The following DZIP3 variants were observed in gnomAD, a reference collection of about 807,000 sequenced individuals.
DZIP3 encodes the protein E3 ubiquitin-protein ligase DZIP3.
In DZIP3, 118 loss-of-function variants were observed where a neutral mutation model predicts 162.0. That is an observed-to-expected ratio of 0.73 (90% CI 0.63 to 0.85). The LOEUF is 0.85. Ranked by LOEUF, DZIP3 falls within the 40% of genes least tolerant of loss-of-function variation. DZIP3 has a pLI of 0.00. For missense variants in DZIP3, 1,331 were observed against 1,407.0 expected (o/e 0.95, Z 0.86); for synonymous variants, 438 against 458.6 (o/e 0.96, Z 0.57).
At chr3:108,652,459 A>G (rs192744755) in intron 18 of DZIP3, among the ~76,000 whole-genome samples, 1 of 152,024 alleles carries the variant, frequency 6.6e-6, no homozygotes, top group Admixed American at 6.6e-5. Flanking sequence ...ACTGCCTAAC[A>G]ACATTTTGAT....
chr3:108,647,221 T>C (rs1270221581), intron 15 of DZIP3, among the ~76,000 whole-genome samples: 2 of 152,230 alleles, frequency 1.3e-5, no homozygotes, highest in Non-Finnish European at 2.9e-5. Flanking sequence ...TTTCTCTGTT[T>C]GGTGTTTAGC....
intron 7 of DZIP3, among the ~76,000 whole-genome samples, chr3:108,626,484 A>G (rs1436671894): frequency 6.6e-6 from 1 of 152,226 alleles, no homozygotes; most frequent in African/African-American, 2.4e-5. Context: ...AAAAGGGTCC[A>G]AATGCTGAGT....
chr3:108,685,323 G>T (rs972952296), intron 27 of DZIP3, among the ~76,000 whole-genome samples: 7 of 151,884 alleles, frequency 4.6e-5, no homozygotes, highest in Non-Finnish European at 1.0e-4. Context: ...TGATTCCTGG[G>T]GTAAAGCTTG....
rs148274940 is a variant in DZIP3, at chr3:108,605,320, T to C, written c.-72-15T>C. ...TAACTTTCCTATCTTCATAAAAATA[T>C]TATTTTCCTTACAGCATTAAAGGGC... On this transcript the variant is annotated splice_polypyrimidine_tract_variant and intron_variant, in intron 1 of 32. Coordinates refer to ENST00000361582, the MANE Select transcript of DZIP3 (RefSeq NM_014648.4). The C allele has an allele frequency of 2.0e-6, 3 of 1,531,444 alleles. No homozygotes were observed. The highest frequency in any genetic ancestry group is 1.4e-5 in the African/African-American group (1 of 72,168). The allele number at this position is 1,531,444 out of a possible 1,614,324, so 94.9% of individuals were successfully genotyped here.
At chr3:108,622,266 T>C (rs1229269765) in intron 5 of DZIP3, among the ~76,000 whole-genome samples, 1 of 152,134 alleles carries the variant, frequency 6.6e-6, no homozygotes, top group East Asian at 1.9e-4. Flanking sequence ...AGTGGTGAAT[T>C]CTTTAGCATG....
intron 32 of DZIP3, chr3:108,691,408 TAAAAA>T (rs1277070338): frequency 8.0e-6 from 1 of 124,454 alleles, no homozygotes; most frequent in Non-Finnish European, 1.8e-5. Flanking sequence ...AAAAAGAAAG[TAAAAA>T]AAAAAAAAGA....
intron 3 of DZIP3, among the ~76,000 whole-genome samples, chr3:108,609,795 C>T (rs1940595611): frequency 6.6e-6 from 1 of 152,152 alleles, no homozygotes; most frequent in South Asian, 2.1e-4. Context: ...GAGCCGTGTT[C>T]ATGCCACTGC....
At chr3:108,672,740 T>G (rs1306471428) in intron 23 of DZIP3, 84 bp downstream of exon 23, 1 of 1,066,724 alleles carries the variant, frequency 9.4e-7, no homozygotes, top group Middle Eastern at 2.1e-4. Flanking sequence ...TTGTAAAAGA[T>G]TGTTTTTTGT....
chr3:108,633,194 C>A, intron 9 of DZIP3, 122 bp downstream of exon 9: 1 of 395,148 alleles, frequency 2.5e-6, no homozygotes, highest in Non-Finnish European at 3.7e-6. Context: ...AGTTTAATTA[C>A]AATGGTAAAG....
chr3:108,601,874 CT>C (rs1940038441), intron 1 of DZIP3, among the ~76,000 whole-genome samples: 1 of 152,162 alleles, frequency 6.6e-6, no homozygotes. Context: ...CTCTTTGCCC[CT>C]CCCTAGTTAT....
intron 24 of DZIP3, among the ~76,000 whole-genome samples, chr3:108,674,686 T>G (rs1390278318): frequency 2.6e-5 from 4 of 151,976 alleles, no homozygotes; most frequent in Non-Finnish European, 5.9e-5. Flanking sequence ...AATCGTATGT[T>G]AAAGGTAGTT....
intron 1 of DZIP3, among the ~76,000 whole-genome samples, chr3:108,593,651 A>G (rs1939546045): frequency 6.6e-6 from 1 of 150,626 alleles, no homozygotes; most frequent in Admixed American, 6.6e-5. Flanking sequence ...GATGGTAGAA[A>G]TTTAGCAAAT....
At chr3:108,636,277 C>T (rs1474444660) in intron 10 of DZIP3, among the ~76,000 whole-genome samples, 5 of 151,896 alleles carry the variant, frequency 3.3e-5, no homozygotes, top group Non-Finnish European at 7.4e-5. Flanking sequence ...TTCCTTTTCC[C>T]TAGAATCCTC....
chr3:108,641,602 T>C (rs1294481216), intron 12 of DZIP3, among the ~76,000 whole-genome samples: 1 of 152,208 alleles, frequency 6.6e-6, no homozygotes, highest in Non-Finnish European at 1.5e-5. Context: ...ATAACTTTAC[T>C]AGCTTTTGCC....
At chr3:108,624,613 A>G (rs1941510830) in intron 6 of DZIP3, 89 bp downstream of exon 6, 1 of 663,918 alleles carries the variant, frequency 1.5e-6, no homozygotes, top group East Asian at 3.2e-5. Context: ...AAAAATATTA[A>G]AAAAGGAAAC....
Position 108,675,867 on chromosome 3 carries a change from C to T in DZIP3, c.2775C>T (p.Phe925=), listed in dbSNP as rs1483046204. The change falls in exon 25 of 33, where the codon TTC becomes TTT. Residue 925 remains phenylalanine (F), a synonymous_variant. Transcript: ENST00000361582. The stretch of plus-strand genomic sequence containing the variant: ...CAGATGTTAGAAACAAGATTGCATT[C>T]CTCAGGGTAAGTCCTGAAGTATATT... ...IVADVRNKIA[F]LRTQYNEQIN... 21 of 1,608,824 alleles carry T rather than the reference C, an allele frequency of 1.3e-5. No individual in the cohort carries two copies. Among genetic ancestry groups the T allele is most frequent in the Non-Finnish European group, 1.8e-5 (21 of 1,177,366 alleles).
Position 108,662,182 on chromosome 3 carries a change from T to C in DZIP3, c.2348T>C (p.Met783Thr), listed in dbSNP as rs1372508972. Reference protein sequence around the residue: ...TVTFRWQENQMQIKKKDKIIA... With the variant: ...TVTFRWQENQTQIKKKDKIIA... ...ACTTTTCGGTGGCAAGAAAACCAAA[T>C]GCAGATTAAAAAGAAAGACAAAATT... Residue 783 changes from methionine to threonine, a missense_variant, in exon 21 of 33, where the codon ATG becomes ACG. This residue lies in a region of DZIP3 where 1,278 missense variants were observed against 1,317.1 expected (regional missense o/e 0.97). Coordinates refer to ENST00000361582, the MANE Select transcript of DZIP3 (RefSeq NM_014648.4). The C allele has an allele frequency of 4.3e-6, 7 of 1,609,338 alleles. No homozygotes were observed. Among genetic ancestry groups the C allele is most frequent in the Non-Finnish European group, 5.1e-6 (6 of 1,178,790 alleles).
chr3:108,599,115 A>G (rs1278904120), intron 1 of DZIP3, among the ~76,000 whole-genome samples: 1 of 152,238 alleles, frequency 6.6e-6, no homozygotes, highest in East Asian at 1.9e-4. Context: ...CAGATTTGTA[A>G]CAAGGGGTGA....
chr3:108,690,247 C>A (rs529735572), intron 31 of DZIP3, among the ~76,000 whole-genome samples: 40 of 152,090 alleles, frequency 2.6e-4, no homozygotes, highest in African/African-American at 9.7e-4. Flanking sequence ...TATTTATATA[C>A]GTAAAAATGA....
Sources: allele counts gnomAD v4.1 joint callset (sites outside exome capture counted in the v4.1 genomes callset), GRCh38; gene constraint gnomAD v4.1.1; regional missense constraint gnomAD v4.1.1; transcripts MANE v1.5; gene names NCBI Gene and HGNC (gene_info 2026-07-23, HGNC 2026-07-21).